PARP9: variants seen among roughly 807,000 people sequenced by gnomAD.
PARP9 encodes the protein protein mono-ADP-ribosyltransferase PARP9.
In PARP9, 48 loss-of-function variants were observed where a neutral mutation model predicts 68.8. The ratio of observed to expected loss-of-function variants is 0.70; its 90% CI spans 0.55 to 0.89. The LOEUF is 0.89. PARP9 is among the 40% of genes least tolerant of loss of function. The pLI is 0.00. For synonymous variants in PARP9, 309 were observed against 333.8 expected, an observed-to-expected ratio of 0.93 and a Z score of 0.81; for missense variants, 806 against 969.3, an observed-to-expected ratio of 0.83 and a Z score of 2.24.
chr3:122,530,976 A>AT (rs974241333), intron 10 of PARP9, among the ~76,000 whole-genome samples: 4 of 152,178 alleles, frequency 2.6e-5, no homozygotes, highest in African/African-American at 9.7e-5. Context: ...ATTTTAAAAC[A>AT]TTTTTTTAAA....
chr3:122,541,862 G>A (rs2078255680), intron 7 of PARP9, among the ~76,000 whole-genome samples: 1 of 152,188 alleles, frequency 6.6e-6, no homozygotes. Context: ...GCCTCCCAGT[G>A]AGTAATATCT....
At chr3:122,554,256 T>C (rs1262096132) in intron 4 of PARP9, among the ~76,000 whole-genome samples, 1 of 152,062 alleles carries the variant, frequency 6.6e-6, no homozygotes, top group East Asian at 1.9e-4. Context: ...AAACTTGAGA[T>C]CACATTCAAA....
chr3:122,564,379 C>A (rs1411094338), upstream of PARP9: 34 of 1,559,704 alleles, frequency 2.2e-5, no homozygotes, highest in Non-Finnish European at 2.9e-5. Context: ...GCGCCTTTAC[C>A]GCCCAGCTGC....
At chr3:122,562,346 C>T (rs1008023255) in intron 1 of PARP9, among the ~76,000 whole-genome samples, 1 of 137,030 alleles carries the variant, frequency 7.3e-6, no homozygotes, top group Non-Finnish European at 1.6e-5. Context: ...CCACGCCTGG[C>T]TAATTTTTTT....
chr3:122,540,826 T>C lies in PARP9; in HGVS notation c.1411A>G (p.Arg471Gly), dbSNP rs756878826. Residue 471 changes from arginine to glycine, a missense_variant, in exon 8 of 11, where the codon AGA becomes GGA. Coordinates refer to ENST00000682323, the MANE Select transcript of PARP9 (RefSeq NM_001146105.2). ...GATCTAGCTTCAAGCCCATTTTCTC[T>C]TTTCTCCTCTCTGGTTGACTGGGGG... ...SVPQSTREEK[R>G]ENGLEARSPA... 1.2e-6 allele frequency: 2 copies of C among 1,613,704 alleles called. No homozygotes were observed. The highest frequency in any genetic ancestry group is 1.7e-6 in the Non-Finnish European group (2 of 1,179,870).
chr3:122,546,494 T>C (rs2078709304), intron 6 of PARP9, among the ~76,000 whole-genome samples: 1 of 152,252 alleles, frequency 6.6e-6, no homozygotes, highest in South Asian at 2.1e-4. Context: ...GGCTAAGCTA[T>C]AATGTTTGGT....
At chr3:122,562,092 C>G (rs1439099461) in intron 1 of PARP9, among the ~76,000 whole-genome samples, 2 of 152,208 alleles carry the variant, frequency 1.3e-5, no homozygotes, top group African/African-American at 2.4e-5. Context: ...CCCTTCCTTC[C>G]TCGCCCACTG....
At chr3:122,539,360 C>G (rs2077911808) in intron 8 of PARP9, among the ~76,000 whole-genome samples, 1 of 152,134 alleles carries the variant, frequency 6.6e-6, no homozygotes, top group South Asian at 2.1e-4. Context: ...CGTCAAGGTC[C>G]CCCATTAGAC....
intron 7 of PARP9, among the ~76,000 whole-genome samples, chr3:122,544,908 C>T (rs2078576786): frequency 1.3e-5 from 2 of 152,124 alleles, no homozygotes; most frequent in African/African-American, 4.8e-5. Flanking sequence ...TTGGCCCAGA[C>T]CCAGAGTCCC....
intron 3 of PARP9, 191 bp downstream of exon 3, chr3:122,558,243 G>A (rs2079872342): frequency 4.1e-6 from 6 of 1,458,426 alleles, no homozygotes; most frequent in African/African-American, 2.8e-5. Flanking sequence ...AATGGTGTAG[G>A]CCTTGAGAGA....
At chr3:122,549,241 C>G (rs974412673) in intron 6 of PARP9, among the ~76,000 whole-genome samples, 2 of 152,126 alleles carry the variant, frequency 1.3e-5, no homozygotes, top group Non-Finnish European at 2.9e-5. Flanking sequence ...GTCTCAAACT[C>G]GTGACCTCAG....
At chr3:122,539,570 T>TCTTCTTTCTTTCTTTC (rs1242464386) in intron 8 of PARP9, among the ~76,000 whole-genome samples, 1 of 135,546 alleles carries the variant, frequency 7.4e-6, no homozygotes, top group Admixed American at 7.6e-5. Context: ...TTTCTTTCTT[T>TCTTCTTTCTTTCTTTC]TTTTTTTGAG....
At chr3:122,539,341 C>A (rs947070969) in intron 8 of PARP9, among the ~76,000 whole-genome samples, 1 of 152,174 alleles carries the variant, frequency 6.6e-6, no homozygotes. Flanking sequence ...CATCACTAAT[C>A]TGTGTGCTCG....
At chr3:122,538,283 G>A (rs928508683) in intron 8 of PARP9, among the ~76,000 whole-genome samples, 3 of 152,130 alleles carry the variant, frequency 2.0e-5, no homozygotes, top group Non-Finnish European at 2.9e-5. Flanking sequence ...GTCAGGCACT[G>A]GGCTGGGCAC....
At chr3:122,540,105 A>G (rs753498856) in intron 8 of PARP9, among the ~76,000 whole-genome samples, 1 of 152,238 alleles carries the variant, frequency 6.6e-6, no homozygotes, top group African/African-American at 2.4e-5. Flanking sequence ...GATAAAAGAA[A>G]TAAGTTAATC....
intron 7 of PARP9, among the ~76,000 whole-genome samples, chr3:122,543,035 T>C (rs1410868396): frequency 6.6e-6 from 1 of 151,614 alleles, no homozygotes; most frequent in Non-Finnish European, 1.5e-5. Context: ...GCCTCCTGAG[T>C]AGTTGGGATT....
chr3:122,541,876 T>G (rs1484201548), intron 7 of PARP9, among the ~76,000 whole-genome samples: 1 of 152,206 alleles, frequency 6.6e-6, no homozygotes, highest in Non-Finnish European at 1.5e-5. Context: ...AATATCTGAA[T>G]AGCAGTGGAA....
At chr3:122,545,882 C>G (rs570308928) in intron 6 of PARP9, 1 of 178,996 alleles carries the variant, frequency 5.6e-6, no homozygotes, top group Non-Finnish European at 1.2e-5. Flanking sequence ...ATGGTATACA[C>G]ACCAAACTTG....
At chr3:122,557,018 G>A (rs1457465024) in intron 3 of PARP9, among the ~76,000 whole-genome samples, 1 of 152,140 alleles carries the variant, frequency 6.6e-6, no homozygotes, top group Non-Finnish European at 1.5e-5. Flanking sequence ...TTTTTCTGTA[G>A]AGATGGGGTT....
Sources: allele counts gnomAD v4.1 joint callset (sites outside exome capture counted in the v4.1 genomes callset), GRCh38; gene constraint gnomAD v4.1.1; transcripts MANE v1.5; gene names NCBI Gene and HGNC (gene_info 2026-07-23, HGNC 2026-07-21).